NSRP1: variants seen among roughly 807,000 people sequenced by gnomAD.
NSRP1 encodes nuclear speckle splicing regulatory protein 1, also known as coiled-coil domain containing 55.
A neutral mutation model predicts 54.7 loss-of-function variants in NSRP1; 24 were observed. The ratio of observed to expected loss-of-function variants is 0.44; its 90% CI spans 0.32 to 0.62. The LOEUF (loss-of-function observed/expected upper bound fraction) is 0.62. Among genes scored for constraint, NSRP1 ranks in the 20% least tolerant of loss-of-function variants. The pLI, the probability that NSRP1 is intolerant of heterozygous loss-of-function variation, is 0.06. For synonymous variants in NSRP1, 210 were observed against 213.8 expected (o/e 0.98, Z 0.15); for missense variants, 596 against 651.2 (o/e 0.92, Z 0.92).
rs762050562 is a variant in NSRP1 at position 30,178,171 on chromosome 17, C to G, written c.272C>G (p.Pro91Arg). ...CAGAAAAAAAAGGAGGAAAATAATC[C>G]CAAATTGCTTTTGGGGAAAGACAGA... ...EMQKKKEENN[P>R]KLLLGKDRKP... Residue 91 changes from proline to arginine, a missense_variant, in exon 4 of 7, where the codon CCC (proline) becomes CGC (arginine). Physicochemically the swap from Pro to Arg is moderately radical, Grantham distance 103. Transcript: ENST00000247026. 3.1e-6 allele frequency: 5 copies of G among 1,606,630 alleles called. No homozygotes were observed. In the East Asian group the frequency reaches 1.1e-4, roughly 36 times the overall value.
intron 2 of NSRP1, among the ~76,000 whole-genome samples, chr17:30,165,253 C>T (rs892704324): frequency 1.2e-4 from 18 of 152,042 alleles, no homozygotes; most frequent in African/African-American, 3.6e-4. Context: ...ATCTTGATTA[C>T]GGTGATAGTT....
intron 2 of NSRP1, among the ~76,000 whole-genome samples, chr17:30,143,475 A>G (rs140525017): frequency 2.1e-3 from 320 of 152,240 alleles, no homozygotes; most frequent in African/African-American, 5.6e-3. Flanking sequence ...CATTGTGGTT[A>G]TATATTAGGT....
At chr17:30,155,980 C>A (rs1356529294) in intron 2 of NSRP1, among the ~76,000 whole-genome samples, 2 of 151,856 alleles carry the variant, frequency 1.3e-5, no homozygotes, top group African/African-American at 4.8e-5. Context: ...GCTGGGATTA[C>A]AGGCACCTAC....
chr17:30,179,682 A>G (rs1905237854), intron 5 of NSRP1, among the ~76,000 whole-genome samples: 1 of 152,198 alleles, frequency 6.6e-6, no homozygotes, highest in African/African-American at 2.4e-5. Context: ...AAAATAATAG[A>G]GTAACACCAC....
rs368368448 is a variant in NSRP1 at position 30,162,187 on chromosome 17, G to A, written c.115-10355G>A. Among the ~76,000 whole-genome samples the A allele has an allele frequency of 7.9e-5, 12 of 152,136 alleles. No homozygotes were observed. The East Asian group carries it at 2.3e-3, about 29-fold the overall frequency. ...CTACAGGCGCGTGCCACCATGCCCG[G>A]CTAATTTTTTATTTTTTTACTTTTA... On this transcript the variant is annotated intron_variant, in intron 2 of 6. Coordinates refer to ENST00000247026, the MANE Select transcript of NSRP1 (RefSeq NM_032141.4).
At chr17:30,141,823 T>C (rs553065208) in intron 2 of NSRP1, among the ~76,000 whole-genome samples, 5 of 152,188 alleles carry the variant, frequency 3.3e-5, no homozygotes, top group African/African-American at 9.6e-5. Flanking sequence ...GGCAATGTGG[T>C]GAAACCTCGT....
chr17:30,176,474 G>A (rs2143009376), intron 3 of NSRP1, among the ~76,000 whole-genome samples: 1 of 152,110 alleles, frequency 6.6e-6, no homozygotes, highest in Non-Finnish European at 1.5e-5. Context: ...GCCAGGCATG[G>A]TAGCAGGTGC....
rs200617382 is a variant in NSRP1 at position 30,118,204 on chromosome 17, G to T, written c.114+31G>T. On this transcript the variant is annotated intron_variant, in intron 2 of 6. Coordinates refer to ENST00000247026, the MANE Select transcript of NSRP1 (RefSeq NM_032141.4). ...GAAACCTATGTTTTACTCGTGCATG[G>T]TTGGAAATGTAAATTTTTTAAAAAT... 500 of 1,557,542 alleles carry T rather than the reference G, an allele frequency of 3.2e-4. 1 individual carries two copies. The highest frequency in any genetic ancestry group is 4.2e-4 in the Non-Finnish European group (475 of 1,130,916).
intron 1 of NSRP1, chr17:30,117,292 C>T (rs1198272976): frequency 5.1e-6 from 3 of 584,702 alleles, no homozygotes; most frequent in Admixed American, 3.3e-5. Context: ...GCCCTTCCTT[C>T]TCGTTTTAGG....
At chr17:30,169,944 C>CAT (rs1282869304) in intron 2 of NSRP1, among the ~76,000 whole-genome samples, 1 of 151,212 alleles carries the variant, frequency 6.6e-6, no homozygotes, top group Non-Finnish European at 1.5e-5. Flanking sequence ...ATTTTGTGTA[C>CAT]ATATATATAT....
chr17:30,180,089 A>C (rs1293615955), intron 5 of NSRP1, among the ~76,000 whole-genome samples: 1 of 152,074 alleles, frequency 6.6e-6, no homozygotes, highest in Admixed American at 6.6e-5. Flanking sequence ...TTCCTGCCTC[A>C]GCCTCCCAAA....
chr17:30,172,550 G>A lies in NSRP1; in HGVS notation c.123G>A (p.Val41=), dbSNP rs371910325. 5.0e-6 allele frequency: 8 copies of A among 1,609,424 alleles called. No individual in the cohort carries two copies. Among genetic ancestry groups the A allele is most frequent in the Non-Finnish European group, 5.9e-6 (7 of 1,177,312 alleles). The part of the protein sequence containing the change: ...NDSDDDDETS[V]SESLQREAAK... ...ATATTTCTGTTTTACAGACCTCTGTGAGTGAAAGCCTTCAGAGGGAAGCTG... is the reference window on the plus strand; with the variant it reads ...ATATTTCTGTTTTACAGACCTCTGTAAGTGAAAGCCTTCAGAGGGAAGCTG... Residue 41 remains valine, a synonymous_variant, in exon 3 of 7, where the codon GTG becomes GTA. Transcript: ENST00000247026.
chr17:30,138,363 T>G (rs2071768272), intron 2 of NSRP1, among the ~76,000 whole-genome samples: 1 of 152,192 alleles, frequency 6.6e-6, no homozygotes, highest in Non-Finnish European at 1.5e-5. Context: ...CTTGGGGGAC[T>G]GGTTTGAGGT....
intron 2 of NSRP1, among the ~76,000 whole-genome samples, chr17:30,127,357 T>C (rs140245502): frequency 5.9e-5 from 9 of 152,330 alleles, no homozygotes; most frequent in African/African-American, 2.2e-4. Flanking sequence ...ACTTGTGAAA[T>C]CTAGTTTTGT....
At chr17:30,167,557 C>T (rs879877069) in intron 2 of NSRP1, among the ~76,000 whole-genome samples, 4 of 151,542 alleles carry the variant, frequency 2.6e-5, no homozygotes, top group Admixed American at 2.6e-4. Context: ...TGCAGTGAGC[C>T]GAGATCGCAC....
At chr17:30,140,901 A>C (rs1394488000) in intron 2 of NSRP1, among the ~76,000 whole-genome samples, 1 of 151,938 alleles carries the variant, frequency 6.6e-6, no homozygotes. Flanking sequence ...TGTAGCCAGG[A>C]CCTCCTGGGC....
intron 2 of NSRP1, among the ~76,000 whole-genome samples, chr17:30,163,538 G>T (rs1904612460): frequency 6.6e-6 from 1 of 151,756 alleles, no homozygotes; most frequent in South Asian, 2.1e-4. Context: ...ATATCTGACT[G>T]CTATTCAAAA....
chr17:30,163,510 A>G (rs1395908180), intron 2 of NSRP1, among the ~76,000 whole-genome samples: 2 of 151,848 alleles, frequency 1.3e-5, no homozygotes, highest in Non-Finnish European at 2.9e-5. Flanking sequence ...ATTTTTTTGT[A>G]TGTCTCCCTT....
chr17:30,147,685 A>G (rs913696313), intron 2 of NSRP1, among the ~76,000 whole-genome samples: 3 of 151,126 alleles, frequency 2.0e-5, no homozygotes, highest in Non-Finnish European at 4.4e-5. Flanking sequence ...TGATGGTCTC[A>G]ATCTCCTGAT....
Sources: gnomAD v4.1 joint callset for allele counts (sites outside exome capture counted in the v4.1 genomes callset) on GRCh38, gnomAD v4.1.1 for gene constraint, MANE v1.5 for transcripts, NCBI Gene and HGNC (gene_info 2026-07-23, HGNC 2026-07-21) for gene names.